The following FMN1 variants were observed in gnomAD, a reference collection of about 807,000 sequenced individuals.
The protein encoded by FMN1 is formin 1, also known as formin-1.
FMN1 carries 110 observed loss-of-function variants against 132.4 expected under a neutral mutation model. The ratio of observed to expected loss-of-function variants is 0.83; its 90% CI spans 0.71 to 0.97. FMN1 has a LOEUF of 0.97. Ranked by LOEUF, FMN1 falls within the 50% of genes least tolerant of loss-of-function variation. The pLI is 0.00. For synonymous variants in FMN1, 722 were observed against 651.7 expected, an observed-to-expected ratio of 1.11 and a Z score of -1.64; for missense variants, 1,792 against 1,705.3, an observed-to-expected ratio of 1.05 and a Z score of -0.90.
At chr15:33,121,373 T>G (rs1396112063) in intron 4 of FMN1, among the ~76,000 whole-genome samples, 1 of 152,104 alleles carries the variant, frequency 6.6e-6, no homozygotes, top group Admixed American at 6.5e-5. Context: ...TCAATATTGT[T>G]TACAATGTTC....
chr15:33,000,365 C>T (rs1022052882), intron 7 of FMN1, among the ~76,000 whole-genome samples: 3 of 147,344 alleles, frequency 2.0e-5, no homozygotes, highest in South Asian at 2.2e-4. Flanking sequence ...AGGAGAATGG[C>T]GTGAACCTGG....
intron 15 of FMN1, among the ~76,000 whole-genome samples, chr15:32,891,791 T>C (rs543842428): frequency 2.1e-4 from 32 of 152,112 alleles, no homozygotes; most frequent in South Asian, 1.7e-3. Context: ...TATACACACA[T>C]ATATATATAT....
chr15:33,056,078 C>A (rs150860253), intron 6 of FMN1, among the ~76,000 whole-genome samples: 31 of 152,314 alleles, frequency 2.0e-4, no homozygotes, highest in Non-Finnish European at 4.0e-4. Flanking sequence ...GAGTAACCAG[C>A]ACTGTCATAT....
At position 33,058,444 on chromosome 15, in the gene FMN1, C is replaced by T. The variant is rs552607538; in HGVS notation, c.2161+6513G>A. On this transcript the variant is annotated intron_variant, in intron 6 of 20. Transcript: ENST00000616417. ...ATGTTTGCTCATGTACCTCCCAAAA[C>T]CATTTACATGTACACCATGCATTTT... Among the ~76,000 whole-genome samples the T allele has an allele frequency of 2.0e-5, 3 of 152,306 alleles. No homozygotes were observed. The East Asian group carries it at 5.8e-4, about 29-fold the overall frequency.
At chr15:33,147,855 T>C (rs374334501) in intron 4 of FMN1, among the ~76,000 whole-genome samples, 8 of 152,314 alleles carry the variant, frequency 5.3e-5, no homozygotes, top group African/African-American at 1.9e-4. Context: ...AAATTCTCTT[T>C]ATGCTTTACA....
chr15:33,077,094 A>T (rs1196829439), intron 5 of FMN1, among the ~76,000 whole-genome samples: 1 of 152,150 alleles, frequency 6.6e-6, no homozygotes, highest in Non-Finnish European at 1.5e-5. Context: ...AGTGGGGGCA[A>T]TCTCAGTTCA....
At chr15:32,892,221 A>G (rs771594962) in intron 15 of FMN1, among the ~76,000 whole-genome samples, 3 of 152,146 alleles carry the variant, frequency 2.0e-5, no homozygotes, top group Admixed American at 1.3e-4. Context: ...TTACATTGAG[A>G]TATGTCCCCT....
At position 33,088,865 on chromosome 15, in the gene FMN1, G is replaced by A; in HGVS notation, c.1977C>T (p.Ala659=). ...AWVLGYRAGP[A]CPFLLHEERE... is the part of the protein sequence containing the mutation. The stretch of plus-strand genomic sequence containing the variant: ...TTTCCTCATGAAGCAAAAATGGACA[G>A]GCTGGTCCCGCTCTGTAGCCCAGAA... The change falls in exon 5 of 21, where the codon GCC becomes GCT. Residue 659 remains alanine, a synonymous_variant. Transcript: ENST00000616417. The A allele has an allele frequency of 6.5e-7, 1 of 1,535,970 alleles. No individual in the cohort carries two copies.
intron 9 of FMN1, among the ~76,000 whole-genome samples, chr15:32,935,798 T>C (rs1319819670): frequency 6.6e-6 from 1 of 151,990 alleles, no homozygotes; most frequent in Admixed American, 6.6e-5. Context: ...CAGCTAATTT[T>C]TGTTCTTTTA....
chr15:32,779,702 T>C (rs1040309429), intron 19 of FMN1, among the ~76,000 whole-genome samples: 9 of 152,210 alleles, frequency 5.9e-5, no homozygotes, highest in Non-Finnish European at 1.0e-4. Context: ...GGGTACTTAA[T>C]CTGTACCAGG....
At chr15:32,899,908 G>T in intron 14 of FMN1, 71 bp downstream of exon 14, 1 of 1,470,536 alleles carries the variant, frequency 6.8e-7, no homozygotes, top group Non-Finnish European at 9.3e-7. Context: ...TCTGGAATAC[G>T]TTTTTTAAAA....
intron 19 of FMN1, among the ~76,000 whole-genome samples, chr15:32,787,490 G>A (rs145808103): frequency 1.6e-3 from 247 of 152,308 alleles, no homozygotes; most frequent in South Asian, 3.7e-3. Context: ...CAGACCAGCA[G>A]GAAAGTAAGA....
chr15:32,813,346 G>A (rs754703554), intron 17 of FMN1, among the ~76,000 whole-genome samples: 1 of 152,168 alleles, frequency 6.6e-6, no homozygotes, highest in Non-Finnish European at 1.5e-5. Context: ...ACAGTTCTAG[G>A]AGGTAATCGG....
At chr15:32,792,313 C>T (rs1432546157) in intron 19 of FMN1, among the ~76,000 whole-genome samples, 3 of 149,096 alleles carry the variant, frequency 2.0e-5, no homozygotes, top group African/African-American at 7.4e-5. Context: ...GGCGTGGTGG[C>T]AGACGCCTGT....
chr15:32,881,769 G>A (rs1198691615), intron 16 of FMN1, among the ~76,000 whole-genome samples: 1 of 152,150 alleles, frequency 6.6e-6, no homozygotes, highest in African/African-American at 2.4e-5. Flanking sequence ...CTGGTCTTGA[G>A]CACAGGAAGC....
chr15:33,048,313 A>G, intron 6 of FMN1, among the ~76,000 whole-genome samples: 1 of 152,150 alleles, frequency 6.6e-6, no homozygotes, highest in Non-Finnish European at 1.5e-5. Flanking sequence ...CAAAGAAGTT[A>G]TAAAGAAATG....
At chr15:33,159,842 A>G (rs563184422) in intron 3 of FMN1, among the ~76,000 whole-genome samples, 2 of 152,350 alleles carry the variant, frequency 1.3e-5, no homozygotes, top group African/African-American at 4.8e-5. Flanking sequence ...GTTGGCACCT[A>G]AAACTCTGAG....
intron 2 of FMN1, among the ~76,000 whole-genome samples, chr15:33,180,744 CTTTTT>C (rs35033683): frequency 9.2e-6 from 1 of 108,222 alleles, no homozygotes; most frequent in Non-Finnish European, 1.8e-5. Context: ...CTCCTGCTGC[CTTTTT>C]TTTTTTTTTT....
chr15:33,172,080 C>T (rs1238349862), intron 3 of FMN1, among the ~76,000 whole-genome samples: 3 of 151,894 alleles, frequency 2.0e-5, no homozygotes, highest in Admixed American at 6.6e-5. Context: ...TGGTGGCGGG[C>T]GCCTGTGGTC....
Sources: allele counts gnomAD v4.1 joint callset (sites outside exome capture counted in the v4.1 genomes callset), GRCh38; gene constraint gnomAD v4.1.1; transcripts MANE v1.5; gene names NCBI Gene and HGNC (gene_info 2026-07-23, HGNC 2026-07-21).